CCDC148: variants seen among roughly 807,000 people sequenced by gnomAD.
The protein encoded by CCDC148 is coiled-coil domain-containing protein 148.
CCDC148 carries 89 observed loss-of-function variants against 85.7 expected under a neutral mutation model. The observed-to-expected ratio is 1.04, with a 90% confidence interval of 0.87 to 1.24. CCDC148 has a LOEUF of 1.24. Ranked by LOEUF, CCDC148 falls within the 50% of genes most tolerant of loss-of-function variation. The pLI, the probability that CCDC148 is intolerant of heterozygous loss-of-function variation, is 0.00. For missense variants in CCDC148, 692 were observed against 671.7 expected (o/e 1.03, Z -0.33); for synonymous variants, 230 against 213.9 (o/e 1.08, Z -0.66).
intron 7 of CCDC148, among the ~76,000 whole-genome samples, chr2:158,314,494 T>G (rs925616988): frequency 7.9e-5 from 12 of 152,196 alleles, no homozygotes; most frequent in Admixed American, 3.3e-4. Context: ...AGAAATCATT[T>G]GCAAATAGGA....
chr2:158,223,575 G>A (rs1366142803), intron 10 of CCDC148, among the ~76,000 whole-genome samples: 1 of 152,188 alleles, frequency 6.6e-6, no homozygotes, highest in Non-Finnish European at 1.5e-5. Context: ...CCCCCCAGTA[G>A]GGGCAGACTG....
At chr2:158,386,181 A>G (rs7561873) in intron 1 of CCDC148, among the ~76,000 whole-genome samples, 9,630 of 152,100 alleles carry the variant, frequency 0.063, 602 homozygotes, top group African/African-American at 0.16. Context: ...TGCATACATT[A>G]TAACACTATA....
rs374712618 is a variant in CCDC148, at chr2:158,178,866, A to G, written c.1488+13T>C. The G allele has an allele frequency of 1.3e-6, 2 of 1,591,744 alleles. No homozygotes were observed. The highest frequency in any genetic ancestry group is 2.7e-5 in the African/African-American group (2 of 73,928). ...AAAAAAACCACCCATGAAAATTTCCAAATGAAAAACACCTGTTTCCTAAGG... is the reference window on the plus strand; with the variant it reads ...AAAAAAACCACCCATGAAAATTTCCGAATGAAAAACACCTGTTTCCTAAGG... On this transcript the variant is annotated intron_variant, in intron 12 of 13. Transcript: ENST00000283233.
Position 158,339,072 on chromosome 2 carries a change from T to C in CCDC148, c.500A>G (p.Lys167Arg). The C allele has an allele frequency of 6.2e-7, 1 of 1,613,356 alleles. No homozygotes were observed. The highest frequency in any genetic ancestry group is 8.5e-7 in the Non-Finnish European group (1 of 1,179,446). Residue 167 changes from lysine (K) to arginine (R), a missense_variant, in exon 6 of 14, where the codon AAG becomes AGG. Transcript: ENST00000283233. ...MKVLEEVDFV[K>R]KQLKTVFERL... Reference sequence around the variant, plus strand: ...TTCAAAGACAGTTTTCAATTGTTTCTTCACAAAGTCAACCTATAGGACATT... The same window carrying C: ...TTCAAAGACAGTTTTCAATTGTTTCCTCACAAAGTCAACCTATAGGACATT...
At chr2:158,302,913 G>T (rs1411412400) in intron 9 of CCDC148, among the ~76,000 whole-genome samples, 3 of 152,126 alleles carry the variant, frequency 2.0e-5, no homozygotes, top group Non-Finnish European at 2.9e-5. Context: ...AAAACTTGGG[G>T]GATCAAAGAG....
chr2:158,180,055 C>A (rs1451097991), intron 11 of CCDC148, among the ~76,000 whole-genome samples: 4 of 152,282 alleles, frequency 2.6e-5, no homozygotes, highest in African/African-American at 9.6e-5. Flanking sequence ...TTCATCCTTT[C>A]AAAAGAGTAG....
At chr2:158,260,040 G>A (rs913841533) in intron 9 of CCDC148, among the ~76,000 whole-genome samples, 1 of 151,794 alleles carries the variant, frequency 6.6e-6, no homozygotes, top group Non-Finnish European at 1.5e-5. Context: ...ACTTACATTT[G>A]CCACTATATA....
intron 1 of CCDC148, among the ~76,000 whole-genome samples, chr2:158,435,836 G>C (rs1288777257): frequency 6.6e-6 from 1 of 152,120 alleles, no homozygotes; most frequent in Non-Finnish European, 1.5e-5. Flanking sequence ...CCTAGTCTCT[G>C]ATAAAACAGA....
At chr2:158,257,088 A>T (rs1243922077) in intron 9 of CCDC148, among the ~76,000 whole-genome samples, 1 of 151,500 alleles carries the variant, frequency 6.6e-6, no homozygotes, top group Non-Finnish European at 1.5e-5. Context: ...TTAAAAAAAA[A>T]AGTCTCCCAC....
chr2:158,259,332 C>T (rs182836555), intron 9 of CCDC148, among the ~76,000 whole-genome samples: 1 of 151,956 alleles, frequency 6.6e-6, no homozygotes, highest in Admixed American at 6.6e-5. Flanking sequence ...TTTCCCCACT[C>T]GACTGTGATC....
chr2:158,206,922 A>C (rs1038746707), intron 11 of CCDC148, among the ~76,000 whole-genome samples: 6 of 152,208 alleles, frequency 3.9e-5, no homozygotes, highest in African/African-American at 1.4e-4. Context: ...AACAGGAGAT[A>C]CGGACTGCTC....
At chr2:158,328,793 C>T (rs1159517975) in intron 7 of CCDC148, among the ~76,000 whole-genome samples, 1 of 152,114 alleles carries the variant, frequency 6.6e-6, no homozygotes, top group Non-Finnish European at 1.5e-5. Flanking sequence ...CATGTGTCTG[C>T]TGACTGCATA....
Position 158,342,021 on chromosome 2 carries a change from CTTTTCTTTTTT to C in CCDC148, c.252-1352_252-1342del, listed in dbSNP as rs1280744487. ...CATTTTATGTACGTGTCATTATTTT[CTTTTCTTTTTT>C]TTTTTTTTTTTTTTTGAGAAGGAGT... On this transcript the variant is annotated intron_variant, in intron 3 of 13. Coordinates refer to ENST00000283233, the MANE Select transcript of CCDC148 (RefSeq NM_138803.4). Among the ~76,000 whole-genome samples the C allele has an allele frequency of 3.5e-5, 3 of 85,622 alleles. No individual in the cohort carries two copies. The East Asian group carries it at 1.1e-3, about 33-fold the overall frequency. The allele number at this position is 85,622 out of a possible 152,430, so 56.2% of individuals were successfully genotyped here.
At chr2:158,338,308 G>A (rs1318167884) in intron 7 of CCDC148, among the ~76,000 whole-genome samples, 1 of 152,036 alleles carries the variant, frequency 6.6e-6, no homozygotes, top group African/African-American at 2.4e-5. Flanking sequence ...TTAAAATTTA[G>A]AAAACATACT....
intron 1 of CCDC148, among the ~76,000 whole-genome samples, chr2:158,385,046 GA>G (rs1455032873): frequency 6.6e-6 from 1 of 152,122 alleles, no homozygotes; most frequent in Non-Finnish European, 1.5e-5. Flanking sequence ...ATCAGTCAGG[GA>G]CAGTTGTCAG....
chr2:158,361,326 A>G (rs558599003), intron 1 of CCDC148, among the ~76,000 whole-genome samples: 3 of 152,300 alleles, frequency 2.0e-5, no homozygotes, highest in South Asian at 4.1e-4. Flanking sequence ...TACAGAGAAC[A>G]CCACAAAGAT....
At chr2:158,387,351 A>T (rs1685131347) in intron 1 of CCDC148, among the ~76,000 whole-genome samples, 1 of 151,620 alleles carries the variant, frequency 6.6e-6, no homozygotes. Flanking sequence ...ACTGCAATAC[A>T]ACAGTGTAGG....
At chr2:158,390,582 C>G (rs1685262136) in intron 1 of CCDC148, among the ~76,000 whole-genome samples, 1 of 152,142 alleles carries the variant, frequency 6.6e-6, no homozygotes, top group Non-Finnish European at 1.5e-5. Flanking sequence ...AGCCTGAAGT[C>G]AGTCTTTACC....
intron 2 of CCDC148, among the ~76,000 whole-genome samples, chr2:158,354,609 C>A (rs1022735835): frequency 6.6e-6 from 1 of 152,078 alleles, no homozygotes; most frequent in African/African-American, 2.4e-5. Context: ...CAAAAAGAGT[C>A]CAGGACCAGA....
Sources: gnomAD v4.1 joint callset for allele counts (sites outside exome capture counted in the v4.1 genomes callset) on GRCh38, gnomAD v4.1.1 for gene constraint, MANE v1.5 for transcripts, NCBI Gene and HGNC (gene_info 2026-07-23, HGNC 2026-07-21) for gene names.